COPG1: variants seen among roughly 807,000 people sequenced by gnomAD.
The protein encoded by COPG1 is coatomer subunit gamma-1.
COPG1 carries 29 observed loss-of-function variants against 102.8 expected under a neutral mutation model. That is an observed-to-expected ratio of 0.28 (90% CI 0.21 to 0.38). COPG1 has a LOEUF of 0.38. Among genes scored for constraint, COPG1 ranks in the 10% least tolerant of loss-of-function variants. The pLI, the probability that COPG1 is intolerant of heterozygous loss-of-function variation, is 1.00. For synonymous variants in COPG1, 406 were observed against 421.6 expected (o/e 0.96, Z 0.45); for missense variants, 875 against 1,132.7 (o/e 0.77, Z 3.27).
intron 18 of COPG1, among the ~76,000 whole-genome samples, chr3:129,270,872 T>TA (rs1450239808): frequency 1.3e-5 from 2 of 152,172 alleles, no homozygotes; most frequent in Non-Finnish European, 2.9e-5. Context: ...TAAATATCAG[T>TA]ATATATTGGA....
chr3:129,260,911 C>T (rs2107675475), intron 12 of COPG1, 104 bp downstream of exon 12: 1 of 1,255,836 alleles, frequency 8.0e-7, no homozygotes, highest in South Asian at 1.4e-5. Context: ...AGGGGCTGGT[C>T]AGCCTTGAGG....
At position 129,271,668 on chromosome 3, in the gene COPG1, G is replaced by A. The variant is rs1249413705; in HGVS notation, c.1844-99G>A. The A allele has an allele frequency of 2.9e-5, 42 of 1,445,734 alleles. No individual in the cohort carries two copies. The highest frequency in any genetic ancestry group is 3.8e-5 in the Non-Finnish European group (40 of 1,047,310). 89.6% of individuals were successfully genotyped at this position (1,445,734 alleles called of 1,614,324 possible). A position where few individuals can be genotyped will look rare whatever the true frequency, so the allele number is the denominator to read the frequency against. On this transcript the variant is annotated intron_variant, in intron 18 of 23. Coordinates refer to ENST00000314797, the MANE Select transcript of COPG1 (RefSeq NM_016128.4). This position sits in a 1 kb window ranked among gnomAD's most constrained non-coding sequence, Gnocchi z 4.7. The stretch of plus-strand genomic sequence containing the variant: ...AACATATCTATCCATCTAAGGTAGG[G>A]TGGAACACCTTGAGAATGGTCATGG...
intron 8 of COPG1, among the ~76,000 whole-genome samples, chr3:129,256,782 C>G (rs527936242): frequency 4.6e-5 from 7 of 152,242 alleles, no homozygotes; most frequent in Non-Finnish European, 7.3e-5. Flanking sequence ...TCAGGGCCAG[C>G]TGTGGCCCCT....
At position 129,267,011 on chromosome 3, in the gene COPG1, T is replaced by A; in HGVS notation, c.1469-13T>A. ...GGTGCATTGGGTAAATCACATTCGC[T>A]TCCTAAACACAGGTGCTGTGAGTGC... On this transcript the variant is annotated splice_polypyrimidine_tract_variant and intron_variant, in intron 14 of 23. Coordinates refer to ENST00000314797, the MANE Select transcript of COPG1 (RefSeq NM_016128.4). 1 of 1,612,670 alleles carries A rather than the reference T, an allele frequency of 6.2e-7. No homozygotes were observed. Among genetic ancestry groups the A allele is most frequent in the Non-Finnish European group, 8.5e-7 (1 of 1,179,030 alleles).
In COPG1 at chr3:129,250,716, G is replaced by C. The variant is rs1236066194; in HGVS notation, c.72G>C (p.Lys24Asn). The change falls in exon 2 of 24, where the codon AAG (lysine) becomes AAC (asparagine). Residue 24 changes from lysine (K) to asparagine (N), a missense_variant. Lys to Asn is a moderately conservative substitution (Grantham distance 94). Coordinates refer to ENST00000314797, the MANE Select transcript of COPG1 (RefSeq NM_016128.4). The part of the protein sequence containing the change: ...GGSNPFQHLE[K>N]SAVLQEARVF... ...CCAACCCATTCCAGCACCTTGAGAA[G>C]AGTGCGGTACTCCAGGAGGCAAGTG... 2 of 1,614,010 alleles carry C rather than the reference G, an allele frequency of 1.2e-6. No individual in the cohort carries two copies. The highest frequency in any genetic ancestry group is 3.3e-5 in the Admixed American group (2 of 59,986).
chr3:129,269,090 C>G (rs1940128019), intron 18 of COPG1, 90 bp downstream of exon 18: 2 of 1,154,546 alleles, frequency 1.7e-6, no homozygotes, highest in Non-Finnish European at 2.6e-6. Context: ...TTGGTCTCTC[C>G]TGAGTGCTAG....
intron 7 of COPG1, 49 bp downstream of exon 7, chr3:129,255,126 A>C: frequency 8.4e-7 from 1 of 1,196,972 alleles, no homozygotes; most frequent in Admixed American, 1.9e-5. Context: ...AGAAAATTGA[A>C]GAAAATTTAA....
chr3:129,260,414 T>G lies in COPG1; in HGVS notation c.939+14T>G. 1 of 1,613,186 alleles carries G rather than the reference T, an allele frequency of 6.2e-7. No homozygotes were observed. The highest frequency in any genetic ancestry group is 2.2e-5 in the East Asian group (1 of 44,888). On this transcript the variant is annotated intron_variant, in intron 11 of 23. Transcript: ENST00000314797. ...ACCCTCAATAAGGTAAGAGTCCAGC[T>G]TGGGGGTTGGAGGAAGCTGTCTGAT...
Position 129,271,769 on chromosome 3 carries a change from C to A in COPG1, c.1846C>A (p.Gln616Lys). ...TGAATGTGGCCTGTGGATTTCAGAG[C>A]AGTTGGCAGCAGTGCCAGAGTTCCG... ...AATRQEIFQE[Q>K]LAAVPEFRGL... The change falls in exon 19 of 24, where the codon CAG becomes AAG. Residue 616 changes from glutamine (Q) to lysine (K), a missense_variant and splice_region_variant. Physicochemically the swap from Gln to Lys is moderately conservative, Grantham distance 53. Transcript: ENST00000314797. This position sits in a 1 kb window ranked among gnomAD's most constrained non-coding sequence, Gnocchi z 4.7. The A allele has an allele frequency of 1.2e-6, 2 of 1,614,020 alleles. No homozygotes were observed. Among genetic ancestry groups the A allele is most frequent in the Non-Finnish European group, 1.7e-6 (2 of 1,179,942 alleles).
At chr3:129,274,197 A>AGAG in intron 21 of COPG1, 2 of 429,928 alleles carry the variant, frequency 4.7e-6, no homozygotes, top group Non-Finnish European at 9.2e-6. Flanking sequence ...AAAAAAAAAA[A>AGAG]AGAGAGAGAG....
chr3:129,259,596 T>C (rs913950332), intron 10 of COPG1, among the ~76,000 whole-genome samples: 3 of 151,916 alleles, frequency 2.0e-5, no homozygotes, highest in African/African-American at 7.3e-5. Flanking sequence ...GTCTTCAAAA[T>C]AAGCATTAAG....
intron 8 of COPG1, 134 bp downstream of exon 8, chr3:129,256,288 G>A (rs1939808809): frequency 2.9e-6 from 2 of 694,252 alleles, no homozygotes; most frequent in East Asian, 5.8e-5. Flanking sequence ...TTCGTCATTG[G>A]ATCATGGGAG....
At chr3:129,273,419 C>T (rs2107679697) in intron 21 of COPG1, among the ~76,000 whole-genome samples, 1 of 152,332 alleles carries the variant, frequency 6.6e-6, no homozygotes, top group East Asian at 1.9e-4. Context: ...GTATGAACAA[C>T]AGGAAAACAT....
Position 129,267,113 on chromosome 3 carries a change from C to T in COPG1, c.1544+14C>T. ...GTTGCTGAAGAGGTGAGTCTAGGCC[C>T]AGGGGCCCTAATGGGGACAGTGTTC... On this transcript the variant is annotated intron_variant, in intron 15 of 23. Coordinates refer to ENST00000314797, the MANE Select transcript of COPG1 (RefSeq NM_016128.4). 6.2e-7 allele frequency: 1 copy of T among 1,608,964 alleles called. No individual in the cohort carries two copies. Among genetic ancestry groups the T allele is most frequent in the Non-Finnish European group, 8.5e-7 (1 of 1,175,766 alleles).
intron 5 of COPG1, 192 bp downstream of exon 5, chr3:129,253,147 A>T: frequency 1.9e-6 from 1 of 540,284 alleles, no homozygotes. Flanking sequence ...TCTGACCTTG[A>T]CTTGGACACA....
chr3:129,253,776 G>T (rs1485861339), intron 5 of COPG1, among the ~76,000 whole-genome samples: 1 of 152,036 alleles, frequency 6.6e-6, no homozygotes, highest in African/African-American at 2.4e-5. Context: ...GCGATGGGTG[G>T]ATCACTTGAG....
In COPG1 at chr3:129,252,675, A is replaced by G. The variant is rs1160067342; in HGVS notation, c.224A>G (p.Lys75Arg). The change falls in exon 4 of 24, where the codon AAG (lysine) becomes AGG (arginine). Residue 75 changes from lysine to arginine, a missense_variant. Transcript: ENST00000314797. Reference sequence around the variant, plus strand: ...ACCGAGGCCTTCTTTGCCATGACCAAGCTCTTTCAGTCCAATGATGTAAGT... The same window carrying G: ...ACCGAGGCCTTCTTTGCCATGACCAGGCTCTTTCAGTCCAATGATGTAAGT... Reference protein sequence around the residue: ...EATEAFFAMTKLFQSNDPTLR... With the variant: ...EATEAFFAMTRLFQSNDPTLR... 3.7e-6 allele frequency: 6 copies of G among 1,614,140 alleles called. No individual in the cohort carries two copies. Among genetic ancestry groups the G allele is most frequent in the Non-Finnish European group, 5.1e-6 (6 of 1,179,988 alleles).
At position 129,272,421 on chromosome 3, in the gene COPG1, C is replaced by A; in HGVS notation, c.2158+6C>A. On this transcript the variant is annotated splice_donor_region_variant and intron_variant, in intron 20 of 23. Coordinates refer to ENST00000314797, the MANE Select transcript of COPG1 (RefSeq NM_016128.4). ...CAAAGAAGACCCCACAGCTGGTGAGCCCCTCTCCAGATACCACCCTATCCT... is the reference window on the plus strand; with the variant it reads ...CAAAGAAGACCCCACAGCTGGTGAGACCCTCTCCAGATACCACCCTATCCT... The A allele has an allele frequency of 6.2e-7, 1 of 1,610,232 alleles. No individual in the cohort carries two copies. The highest frequency in any genetic ancestry group is 8.5e-7 in the Non-Finnish European group (1 of 1,177,960).
chr3:129,267,654 A>T (rs994397816), intron 15 of COPG1, among the ~76,000 whole-genome samples: 3 of 152,142 alleles, frequency 2.0e-5, no homozygotes, highest in African/African-American at 7.2e-5. Flanking sequence ...TATAATTCAC[A>T]TACCATACAA....
Sources: gnomAD v4.1 joint callset for allele counts (sites outside exome capture counted in the v4.1 genomes callset) on GRCh38, gnomAD v4.1.1 for gene constraint, Gnocchi (gnomAD v3.1) non-coding constraint, MANE v1.5 for transcripts, NCBI Gene and HGNC (gene_info 2026-07-23, HGNC 2026-07-21) for gene names.